The following ARID1B variants were observed in gnomAD, a reference collection of about 807,000 sequenced individuals.
ARID1B encodes the protein AT-rich interaction domain 1B.
Under a neutral mutation model 212.3 loss-of-function variants are expected in ARID1B, and 30 were observed. The ratio of observed to expected loss-of-function variants is 0.14; its 90% CI spans 0.11 to 0.19. The LOEUF (loss-of-function observed/expected upper bound fraction) is 0.19, where lower values mean the gene tolerates loss of function less well. ARID1B is among the 10% of genes least tolerant of loss of function. ARID1B has a pLI of 1.00. For missense variants in ARID1B, 2,891 were observed against 3,204.0 expected (o/e 0.90, Z 2.36); for synonymous variants, 1,402 against 1,301.7 (o/e 1.08, Z -1.66).
intron 1 of ARID1B, among the ~76,000 whole-genome samples, chr6:156,813,088 A>G (rs1336042769): frequency 1.8e-5 from 2 of 112,716 alleles, no homozygotes; most frequent in African/African-American, 3.7e-5. Context: ...ATACGTATGT[A>G]TATACATACA....
intron 4 of ARID1B, chr6:156,943,658 ATGG>A (rs1253710783): frequency 6.6e-6 from 1 of 152,202 alleles, no homozygotes; most frequent in African/African-American, 2.4e-5. Flanking sequence ...ATCTGTGCAT[ATGG>A]TACGTGTTCA....
rs752012879 is a variant in ARID1B at position 156,778,178 on chromosome 6, GCAC to G, written c.513_515del (p.His172del). 965 of 1,538,990 alleles carry G rather than the reference GCAC, an allele frequency of 6.3e-4. 8 individuals are homozygous for G. The highest frequency in any genetic ancestry group is 9.8e-5 in the Non-Finnish European group (112 of 1,144,952). ...CCCCCGCCGCGCCGCCCCACCAGCA[GCAC>G]CACCACCACCACCATGCCCACCACC... On this transcript the variant is annotated inframe_deletion, in exon 1 of 20. Transcript: ENST00000636930.
chr6:157,005,193 G>A lies in ARID1B; in HGVS notation c.2247+69617G>A, dbSNP rs144540671. Reference sequence around the variant, plus strand: ...TGGAGAGATGGAGTCTCGCTCTGTCGCCCAGGCTGGAATTCAGTGGTGGGA... The same window carrying A: ...TGGAGAGATGGAGTCTCGCTCTGTCACCCAGGCTGGAATTCAGTGGTGGGA... On this transcript the variant is annotated intron_variant, in intron 4 of 19. Coordinates refer to ENST00000636930, the MANE Select transcript of ARID1B (RefSeq NM_001374828.1). 4.5e-3 allele frequency among the ~76,000 whole-genome samples: 683 copies of A among 151,732 alleles called. 8 individuals carry two copies. Among genetic ancestry groups the A allele is most frequent in the African/African-American group, 0.016 (645 of 41,374 alleles).
intron 4 of ARID1B, among the ~76,000 whole-genome samples, chr6:157,064,278 C>T (rs1783536891): frequency 6.6e-6 from 1 of 152,190 alleles, no homozygotes; most frequent in South Asian, 2.1e-4. Flanking sequence ...AGGAGTTGGC[C>T]TTGCTCTTTA....
rs761710707 is a variant in ARID1B, at chr6:157,084,667, G to T, written c.2253G>T (p.Leu751=). The T allele has an allele frequency of 1.2e-6, 2 of 1,614,106 alleles. No homozygotes were observed. The highest frequency in any genetic ancestry group is 1.7e-6 in the Non-Finnish European group (2 of 1,180,002). The change falls in exon 5 of 20, where the codon CTG becomes CTT. Residue 751 remains leucine (L), a synonymous_variant. Coordinates refer to ENST00000636930, the MANE Select transcript of ARID1B (RefSeq NM_001374828.1). ...TACATCTTTTCCTTTCTTAGGATCT[G>T]TCTGGCTCCATTGATGACCTCCCCA... ...QQERPSSLPD[L]SGSIDDLPTG...
chr6:156,858,624 C>A (rs768601551), intron 2 of ARID1B, among the ~76,000 whole-genome samples: 25 of 152,032 alleles, frequency 1.6e-4, no homozygotes, highest in Non-Finnish European at 2.4e-4. Context: ...CAAAAATTAG[C>A]CAGGTGTGGT....
chr6:156,941,131 C>T (rs1214548832), intron 4 of ARID1B: 1 of 152,156 alleles, frequency 6.6e-6, no homozygotes, highest in Admixed American at 6.5e-5. Context: ...AGTGTTCAGG[C>T]ATGGATGATG....
chr6:157,144,798 C>T (rs983477342), intron 7 of ARID1B, among the ~76,000 whole-genome samples: 8 of 152,028 alleles, frequency 5.3e-5, no homozygotes, highest in South Asian at 2.1e-4. Context: ...ATGTGTGTCC[C>T]GTGGGATGGG....
At chr6:157,042,478 CT>C (rs1449223135) in intron 4 of ARID1B, among the ~76,000 whole-genome samples, 4 of 151,984 alleles carry the variant, frequency 2.6e-5, no homozygotes, top group African/African-American at 9.7e-5. Flanking sequence ...AATTTTATGA[CT>C]CTTTTTATAA....
At chr6:157,050,533 G>T (rs1271949982) in intron 4 of ARID1B, among the ~76,000 whole-genome samples, 1 of 152,044 alleles carries the variant, frequency 6.6e-6, no homozygotes, top group African/African-American at 2.4e-5. Flanking sequence ...GACAGAGCGA[G>T]AATCTTATCT....
intron 2 of ARID1B, among the ~76,000 whole-genome samples, chr6:156,834,570 A>G (rs927865686): frequency 1.3e-5 from 2 of 152,244 alleles, no homozygotes; most frequent in African/African-American, 2.4e-5. Flanking sequence ...ATATACATAT[A>G]TAAACACACA....
chr6:157,081,944 A>G (rs1461599679), intron 4 of ARID1B, among the ~76,000 whole-genome samples: 1 of 152,038 alleles, frequency 6.6e-6, no homozygotes, highest in African/African-American at 2.4e-5. Flanking sequence ...TTTTCTTTAG[A>G]GAAACATGAA....
chr6:157,118,829 C>T (rs1408201712), intron 6 of ARID1B, among the ~76,000 whole-genome samples: 6 of 152,272 alleles, frequency 3.9e-5, no homozygotes, highest in East Asian at 1.9e-4. Flanking sequence ...AAGCATCAGT[C>T]GAAGTTTTAG....
At chr6:156,786,787 G>A (rs1264434660) in intron 1 of ARID1B, among the ~76,000 whole-genome samples, 3 of 152,138 alleles carry the variant, frequency 2.0e-5, no homozygotes, top group Non-Finnish European at 4.4e-5. Context: ...CTGGGGTCTG[G>A]GGATTGCTGC....
intron 6 of ARID1B, among the ~76,000 whole-genome samples, chr6:157,121,294 T>TA (rs1269210216): frequency 6.6e-6 from 1 of 152,210 alleles, no homozygotes; most frequent in Non-Finnish European, 1.5e-5. Context: ...TTGCCCTGTT[T>TA]AAGTTCATGG....
chr6:156,798,889 T>G (rs930005839), intron 1 of ARID1B, among the ~76,000 whole-genome samples: 1 of 152,240 alleles, frequency 6.6e-6, no homozygotes, highest in Non-Finnish European at 1.5e-5. Flanking sequence ...AACCTTATGT[T>G]TGAGAGCTGT....
At chr6:156,842,037 T>TGAATATTG (rs1783937187) in intron 2 of ARID1B, among the ~76,000 whole-genome samples, 1 of 152,224 alleles carries the variant, frequency 6.6e-6, no homozygotes, top group African/African-American at 2.4e-5. Context: ...TCGTTTCACG[T>TGAATATTG]AAAGTCTTTT....
intron 4 of ARID1B, among the ~76,000 whole-genome samples, chr6:157,051,801 A>G (rs1401546851): frequency 6.6e-6 from 1 of 152,212 alleles, no homozygotes; most frequent in Non-Finnish European, 1.5e-5. Context: ...TTAGGTATTG[A>G]TATTTTTATG....
intron 1 of ARID1B, among the ~76,000 whole-genome samples, chr6:156,817,638 A>G (rs1389319804): frequency 6.6e-6 from 1 of 152,020 alleles, no homozygotes; most frequent in East Asian, 1.9e-4. Flanking sequence ...CTCTTAAAAA[A>G]AAAAACCACA....
Sources: allele counts gnomAD v4.1 joint callset (sites outside exome capture counted in the v4.1 genomes callset), GRCh38; gene constraint gnomAD v4.1.1; transcripts MANE v1.5; gene names NCBI Gene and HGNC (gene_info 2026-07-23, HGNC 2026-07-21).